The following FOXRED2 variants were observed in gnomAD, a reference collection of about 807,000 sequenced individuals.
The protein encoded by FOXRED2 is FAD-dependent oxidoreductase domain-containing protein 2.
Under a neutral mutation model 52.5 loss-of-function variants are expected in FOXRED2, and 32 were observed. The observed-to-expected ratio is 0.61, with a 90% confidence interval of 0.46 to 0.82. FOXRED2 has a LOEUF of 0.82. FOXRED2 is among the 40% of genes least tolerant of loss of function. The pLI is 0.00. For synonymous variants in FOXRED2, 405 were observed against 398.1 expected (o/e 1.02, Z -0.21); for missense variants, 848 against 937.5 (o/e 0.90, Z 1.25).
Position 36,506,416 on chromosome 22 carries a change from G to T in FOXRED2, c.7C>A (p.Leu3Ile). 9 of 1,435,066 alleles carry T rather than the reference G, an allele frequency of 6.3e-6. No individual in the cohort carries two copies. The highest frequency in any genetic ancestry group is 8.2e-6 in the Non-Finnish European group (9 of 1,099,586). 88.9% of individuals were successfully genotyped at this position (1,435,066 alleles called of 1,614,324 possible). The change falls in exon 2 of 9, where the codon CTC becomes ATC. Residue 3 changes from leucine (L) to isoleucine (I), a missense_variant. By Grantham distance (5) the Leu-to-Ile change is conservative. Transcript: ENST00000397224. MGLSAAAPLWGPP... is the reference protein window; with the variant it reads MGISAAAPLWGPP... Reference sequence around the variant, plus strand: ...CCCCACAACGGGGCCGCAGCGGAGAGGCCCATCCTGCAGCAGATCAGAGGG... The same window carrying T: ...CCCCACAACGGGGCCGCAGCGGAGATGCCCATCCTGCAGCAGATCAGAGGG...
At chr22:36,493,396 G>A (rs187172277) in intron 8 of FOXRED2, among the ~76,000 whole-genome samples, 4 of 149,734 alleles carry the variant, frequency 2.7e-5, no homozygotes, top group East Asian at 1.9e-4. Flanking sequence ...CTGAGATTGC[G>A]CCACTACACT....
At chr22:36,498,900 C>T (rs370757798) in intron 5 of FOXRED2, among the ~76,000 whole-genome samples, 18 of 151,390 alleles carry the variant, frequency 1.2e-4, no homozygotes, top group South Asian at 4.2e-4. Context: ...TATTGTAGTC[C>T]TCTAACCTGG....
chr22:36,496,821 G>T (rs1187833145), intron 6 of FOXRED2, among the ~76,000 whole-genome samples: 1 of 152,182 alleles, frequency 6.6e-6, no homozygotes, highest in Non-Finnish European at 1.5e-5. Context: ...GTGAGAGCTG[G>T]TTGGGCTCCA....
Position 36,504,127 on chromosome 22 carries a change from G to T in FOXRED2, c.1020C>A (p.Gly340=). ...VPYDRVIRCL[G]WNFDFSIFNK... is the part of the protein sequence containing the mutation. ...TGAAAATGGAGAAGTCAAAGTTCCA[G>T]CCCAGGCAGCGGATTACCCGGTCAT... Residue 340 remains glycine, a synonymous_variant, in exon 4 of 9, where the codon GGC becomes GGA. Coordinates refer to ENST00000397224, the MANE Select transcript of FOXRED2 (RefSeq NM_001102371.2). 6.2e-7 allele frequency: 1 copy of T among 1,614,234 alleles called. No homozygotes were observed. The highest frequency in any genetic ancestry group is 8.5e-7 in the Non-Finnish European group (1 of 1,180,028).
rs186313658 is a variant in FOXRED2, at chr22:36,500,733, G to A, written c.1216+508C>T. Among the ~76,000 whole-genome samples, 5 of 149,624 alleles carry A rather than the reference G, an allele frequency of 3.3e-5. No homozygotes were observed. In the East Asian group the frequency reaches 6.0e-4, roughly 18 times the overall value. ...CGAGTAGCTGGGACTGCAGGCGCAC[G>A]CCACCACACCTGGCTAATTTTTGTA... On this transcript the variant is annotated intron_variant, in intron 5 of 8. Coordinates refer to ENST00000397224, the MANE Select transcript of FOXRED2 (RefSeq NM_001102371.2).
intron 5 of FOXRED2, among the ~76,000 whole-genome samples, chr22:36,499,871 G>T (rs1364289225): frequency 6.6e-6 from 1 of 152,026 alleles, no homozygotes; most frequent in African/African-American, 2.4e-5. Flanking sequence ...GTGTGGGCTT[G>T]GCTCACTGCA....
chr22:36,505,781 A>T, intron 2 of FOXRED2, 115 bp downstream of exon 2: 1 of 1,211,858 alleles, frequency 8.3e-7, no homozygotes, highest in Non-Finnish European at 1.2e-6. Context: ...AAAAAAAAAA[A>T]AAAGCGAAAT....
chr22:36,506,632 C>G (rs1934208088), intron 1 of FOXRED2: 1 of 500,492 alleles, frequency 2.0e-6, no homozygotes, highest in South Asian at 3.9e-5. Context: ...TCCATCTTAT[C>G]TCCCTCAGGG....
Position 36,506,249 on chromosome 22 carries a change from C to T in FOXRED2, c.174G>A (p.Val58=). The change falls in exon 2 of 9, where the codon GTG becomes GTA. Residue 58 remains valine (V), a synonymous_variant. Coordinates refer to ENST00000397224, the MANE Select transcript of FOXRED2 (RefSeq NM_001102371.2). ...TGCCGGGCCGCGGGGCCCGCTCGAA[C>T]ACTGCGTAGTCGCGTCCAGCGCGCT... ...FLQRAGRDYA[V]FERAPRPGSF... 1 of 1,613,160 alleles carries T rather than the reference C, an allele frequency of 6.2e-7. No homozygotes were observed. The highest frequency in any genetic ancestry group is 8.5e-7 in the Non-Finnish European group (1 of 1,179,740).
At position 36,504,677 on chromosome 22, in the gene FOXRED2, AC is replaced by A; in HGVS notation, c.616del (p.Val206TrpfsTer7). ...CTGGCCTACAAAGTCCTCAGGGTCC[AC>A]GGACACGGACTCGTAACCCTCTGCA... Reference protein sequence around the residue: ...EYAEGYESVSVDPEDFVGQNV... With the variant: ...EYAEGYESVSXDPEDFVGQNV... On this transcript the variant is annotated frameshift_variant, in exon 3 of 9. Transcript: ENST00000397224. LOFTEE classifies it high-confidence loss of function. 1.2e-6 allele frequency: 2 copies of A among 1,614,204 alleles called. No individual in the cohort carries two copies. Among genetic ancestry groups the A allele is most frequent in the Non-Finnish European group, 1.7e-6 (2 of 1,180,044 alleles).
At chr22:36,505,839 G>C in intron 2 of FOXRED2, 57 bp downstream of exon 2, 1 of 1,560,282 alleles carries the variant, frequency 6.4e-7, no homozygotes, top group Non-Finnish European at 8.8e-7. Context: ...ATCAAGGTGT[G>C]TGGTTCGTGT....
Position 36,493,748 on chromosome 22 carries a change from G to C in FOXRED2, c.1680C>G (p.Ile560Met). 4 of 1,614,226 alleles carry C rather than the reference G, an allele frequency of 2.5e-6. No homozygotes were observed. Among genetic ancestry groups the C allele is most frequent in the Non-Finnish European group, 3.4e-6 (4 of 1,180,008 alleles). Residue 560 changes from isoleucine (I) to methionine (M), a missense_variant, in exon 8 of 9, where the codon ATC becomes ATG. Physicochemically the swap from Ile to Met is conservative, Grantham distance 10. Coordinates refer to ENST00000397224, the MANE Select transcript of FOXRED2 (RefSeq NM_001102371.2). ...TTAAGAAGTCTTCCACGATGTGATG[G>C]ATGGCCGTGGGCCGAGGCAGGGGCC... is the stretch of plus-strand genomic sequence containing the variant. ...AHWPLPRPTA[I>M]HHIVEDFLTD...
At position 36,506,212 on chromosome 22, in the gene FOXRED2, G is replaced by T. The variant is rs56767103; in HGVS notation, c.211C>A (p.Arg71Ser). The T allele has an allele frequency of 1.2e-6, 2 of 1,614,090 alleles. No homozygotes were observed. The highest frequency in any genetic ancestry group is 2.7e-5 in the African/African-American group (2 of 75,036). The part of the protein sequence containing the change: ...RAPRPGSFFT[R>S]YPRHRKLISI... ...ATGAGCTTGCGGTGCCGCGGGTAGC[G>T]TGTGAAGAAGCTGCCGGGCCGCGGG... Residue 71 changes from arginine to serine, a missense_variant, in exon 2 of 9, where the codon CGC becomes AGC. Arg to Ser is a moderately radical substitution (Grantham distance 110). Coordinates refer to ENST00000397224, the MANE Select transcript of FOXRED2 (RefSeq NM_001102371.2).
At chr22:36,506,791 T>G in intron 1 of FOXRED2, 1 of 194,302 alleles carries the variant, frequency 5.1e-6, no homozygotes, top group Non-Finnish European at 1.0e-5. Flanking sequence ...CCAGAGGCCT[T>G]GGCCCCTCTC....
Position 36,489,803 on chromosome 22 carries a change from C to A in FOXRED2, c.*205G>T. On this transcript the variant is annotated 3_prime_UTR_variant, in exon 9 of 9. Coordinates refer to ENST00000397224, the MANE Select transcript of FOXRED2 (RefSeq NM_001102371.2). ...CCTGGCAGAGGATGCCCTTCTGCCC[C>A]CTGACAGGAGGGAGGAGACCACCGC... is the stretch of plus-strand genomic sequence containing the variant. 2.0e-6 allele frequency: 1 copy of A among 495,136 alleles called. No homozygotes were observed. Among genetic ancestry groups the A allele is most frequent in the Non-Finnish European group, 3.5e-6 (1 of 286,460 alleles). 30.7% of individuals were successfully genotyped at this position (495,136 alleles called of 1,614,324 possible). A position where few individuals can be genotyped will look rare whatever the true frequency, so the allele number is the denominator to read the frequency against.
intron 6 of FOXRED2, among the ~76,000 whole-genome samples, chr22:36,497,561 C>T (rs116646062): frequency 9.6e-4 from 146 of 152,284 alleles, no homozygotes; most frequent in African/African-American, 3.4e-3. Context: ...TTCTCAGGAA[C>T]TGTCCATCCT....
rs1934183258 is a variant in FOXRED2 at position 36,506,031 on chromosome 22, T to G, written c.392A>C (p.Asp131Ala). ...DARDMVRYLGDFADTLGLRVQ... is the reference protein window; with the variant it reads ...DARDMVRYLGAFADTLGLRVQ... Reference sequence around the variant, plus strand: ...ACGGAGCCCCAGCGTGTCCGCGAAGTCACCCAGGTAGCGCACCATGTCGCG... The same window carrying G: ...ACGGAGCCCCAGCGTGTCCGCGAAGGCACCCAGGTAGCGCACCATGTCGCG... The change falls in exon 2 of 9, where the codon GAC (aspartate) becomes GCC (alanine). Residue 131 changes from aspartate to alanine, a missense_variant. Asp to Ala is a moderately radical substitution (Grantham distance 126, BLOSUM62 -2). Transcript: ENST00000397224. The G allele has an allele frequency of 6.2e-7, 1 of 1,614,230 alleles. No homozygotes were observed. The highest frequency in any genetic ancestry group is 1.3e-5 in the African/African-American group (1 of 75,056).
chr22:36,490,254 C>T lies in FOXRED2; in HGVS notation c.1809G>A (p.Leu603=), dbSNP rs760852987. Residue 603 remains leucine, a synonymous_variant, in exon 9 of 9, where the codon CTG becomes CTA. Coordinates refer to ENST00000397224, the MANE Select transcript of FOXRED2 (RefSeq NM_001102371.2). ...LRSFYAESCF[L]FALTRQKLPP... ...GCAACTTCTGGCGCGTGAGGGCGAA[C>T]AGGAAGCAGGACTCTACACAAAAGC... The T allele has an allele frequency of 6.2e-7, 1 of 1,608,196 alleles. No individual in the cohort carries two copies.
chr22:36,505,821 A>T (rs992965696), intron 2 of FOXRED2, 75 bp downstream of exon 2: 2 of 1,473,912 alleles, frequency 1.4e-6, no homozygotes, highest in Admixed American at 1.8e-5. Flanking sequence ...TCCCATACCT[A>T]CTGGCCAATC....
Sources: gnomAD v4.1 joint callset for allele counts (sites outside exome capture counted in the v4.1 genomes callset) on GRCh38, gnomAD v4.1.1 for gene constraint, MANE v1.5 for transcripts, NCBI Gene and HGNC (gene_info 2026-07-23, HGNC 2026-07-21) for gene names.